SEPTIN7: variants seen among roughly 807,000 people sequenced by gnomAD.
The protein encoded by SEPTIN7 is septin-7.
SEPTIN7 carries 10 observed loss-of-function variants against 63.3 expected under a neutral mutation model. That is an observed-to-expected ratio of 0.16 (90% CI 0.10 to 0.27). The LOEUF (loss-of-function observed/expected upper bound fraction) is 0.27, where lower values mean the gene tolerates loss of function less well. Among genes scored for constraint, SEPTIN7 ranks in the 10% least tolerant of loss-of-function variants. The pLI is 1.00. For missense variants in SEPTIN7, 310 were observed against 521.0 expected, an observed-to-expected ratio of 0.59 and a Z score of 3.94; for synonymous variants, 131 against 165.3, an observed-to-expected ratio of 0.79 and a Z score of 1.59.
At chr7:35,821,700 T>A (rs1006836049) in intron 1 of SEPTIN7, among the ~76,000 whole-genome samples, 1 of 152,214 alleles carries the variant, frequency 6.6e-6, no homozygotes, top group African/African-American at 2.4e-5. Context: ...TGGTTTAAGT[T>A]TATATTCCAA....
At chr7:35,878,175 A>G (rs1330481122) in intron 6 of SEPTIN7, among the ~76,000 whole-genome samples, 1 of 152,056 alleles carries the variant, frequency 6.6e-6, no homozygotes, top group African/African-American at 2.4e-5. Context: ...TTGTCAGCAC[A>G]TAGAAATATG....
At chr7:35,870,281 C>T (rs1786066065) in intron 4 of SEPTIN7, among the ~76,000 whole-genome samples, 1 of 152,048 alleles carries the variant, frequency 6.6e-6, no homozygotes. Flanking sequence ...AGTTGTTGAA[C>T]TGATTTTTTT....
At chr7:35,852,144 C>G (rs1243001052) in intron 3 of SEPTIN7, among the ~76,000 whole-genome samples, 1 of 152,176 alleles carries the variant, frequency 6.6e-6, no homozygotes, top group African/African-American at 2.4e-5. Context: ...CAGGTGTCCA[C>G]TGTGCCAAGG....
chr7:35,859,006 T>C (rs1785362324), intron 3 of SEPTIN7, among the ~76,000 whole-genome samples: 1 of 152,190 alleles, frequency 6.6e-6, no homozygotes, highest in Non-Finnish European at 1.5e-5. Context: ...TCTCTTTTAT[T>C]TATCTCCGCT....
intron 11 of SEPTIN7, 34 bp downstream of exon 11, chr7:35,890,827 A>C (rs10244144): frequency 0.32 from 457,095 of 1,428,504 alleles, 74,659 homozygotes; most frequent in East Asian, 0.42. Flanking sequence ...AAAAGGTATT[A>C]TTTCTGTAGT....
chr7:35,889,714 T>C (rs1415324367), intron 10 of SEPTIN7, among the ~76,000 whole-genome samples: 1 of 152,114 alleles, frequency 6.6e-6, no homozygotes, highest in Non-Finnish European at 1.5e-5. Flanking sequence ...CAACTGATTT[T>C]TGTATTTTTA....
chr7:35,842,835 C>A (rs540672728), intron 3 of SEPTIN7, among the ~76,000 whole-genome samples: 1 of 152,226 alleles, frequency 6.6e-6, no homozygotes, highest in East Asian at 1.9e-4. Flanking sequence ...TTTAGTATAT[C>A]TCTCTTCCTC....
chr7:35,890,256 A>C (rs1787551848), intron 10 of SEPTIN7, among the ~76,000 whole-genome samples: 1 of 152,190 alleles, frequency 6.6e-6, no homozygotes, highest in Admixed American at 6.5e-5. Flanking sequence ...ATTATGTATT[A>C]ATAAAAACTC....
intron 1 of SEPTIN7, among the ~76,000 whole-genome samples, chr7:35,821,061 G>C (rs1789379670): frequency 7.4e-6 from 1 of 134,550 alleles, no homozygotes; most frequent in African/African-American, 2.8e-5. Context: ...TTCCATGATT[G>C]TTCTGTTTTT....
At chr7:35,811,015 C>T (rs1788672632) in intron 1 of SEPTIN7, among the ~76,000 whole-genome samples, 1 of 152,006 alleles carries the variant, frequency 6.6e-6, no homozygotes, top group Admixed American at 6.5e-5. Flanking sequence ...GCAATCTGCC[C>T]ACCTTGGCCT....
intron 1 of SEPTIN7, among the ~76,000 whole-genome samples, chr7:35,818,616 G>GGTGT (rs1044715517): frequency 2.0e-5 from 3 of 151,724 alleles, no homozygotes; most frequent in Non-Finnish European, 3.0e-5. Flanking sequence ...GCCTTTTTGG[G>GGTGT]GTGTGTGTGT....
At position 35,856,625 on chromosome 7, in the gene SEPTIN7, A is replaced by G. The variant is rs148102596; in HGVS notation, c.170-6927A>G. 3.3e-4 allele frequency among the ~76,000 whole-genome samples: 50 copies of G among 152,272 alleles called. 1 individual carries two copies. The East Asian group carries it at 6.5e-3, about 20-fold the overall frequency. On this transcript the variant is annotated intron_variant, in intron 3 of 13. Transcript: ENST00000350320. ...CCAGAAAAAGCAGACTGAGTTCTCA[A>G]CTACTTTTTGGTACCCATTTTTTCT... is the stretch of plus-strand genomic sequence containing the variant.
intron 1 of SEPTIN7, among the ~76,000 whole-genome samples, chr7:35,829,017 C>T (rs973527496): frequency 6.6e-6 from 1 of 152,058 alleles, no homozygotes; most frequent in Admixed American, 6.6e-5. Context: ...CCATATACTT[C>T]CTACTTTGGC....
chr7:35,845,660 G>GT (rs1446518234), intron 3 of SEPTIN7, among the ~76,000 whole-genome samples: 5 of 152,148 alleles, frequency 3.3e-5, no homozygotes, highest in African/African-American at 9.7e-5. Flanking sequence ...TCGTGCTCAA[G>GT]TTTTTTATGT....
the SEPTIN7 span, among the ~76,000 whole-genome samples, chr7:35,915,710 C>T: frequency 1.3e-5 from 2 of 152,210 alleles, no homozygotes; most frequent in African/African-American, 4.8e-5. Context: ...TCCTCTGTCA[C>T]TGCAGGCCAG....
chr7:35,902,165 C>G (rs1392010106), intron 12 of SEPTIN7: 1 of 150,468 alleles, frequency 6.6e-6, no homozygotes, highest in African/African-American at 2.4e-5. Context: ...TTGAATAGTC[C>G]TTGGGTATTT....
chr7:35,903,458 A>C (rs1788438987), intron 13 of SEPTIN7, among the ~76,000 whole-genome samples: 1 of 152,140 alleles, frequency 6.6e-6, no homozygotes, highest in Non-Finnish European at 1.5e-5. Flanking sequence ...TAGCAACTTC[A>C]TAACATTCTC....
At position 35,801,238 on chromosome 7, in the gene SEPTIN7, C is replaced by G; in HGVS notation, c.29C>G (p.Ala10Gly). ...TCGGTCAGTGCGAGATCCGCTGCTGCTGAGGAGAGGAGCGTCAACAGCAGC... is the reference window on the plus strand; with the variant it reads ...TCGGTCAGTGCGAGATCCGCTGCTGGTGAGGAGAGGAGCGTCAACAGCAGC... MSVSARSAA[A>G]EERSVNSSTM... Residue 10 changes from alanine to glycine, a missense_variant, in exon 1 of 14, where the codon GCT becomes GGT. Physicochemically the swap from Ala to Gly is moderately conservative, Grantham distance 60. Around this residue, in one of 2 missense-constraint regions of SEPTIN7, gnomAD observed 55 missense variants for 30.5 expected, o/e 1.80. Transcript: ENST00000350320. 6.5e-7 allele frequency: 1 copy of G among 1,535,778 alleles called. No homozygotes were observed. Among genetic ancestry groups the G allele is most frequent in the Non-Finnish European group, 8.8e-7 (1 of 1,142,392 alleles).
At chr7:35,888,899 T>C (rs1407710441) in intron 10 of SEPTIN7, 3 of 314,480 alleles carry the variant, frequency 9.5e-6, no homozygotes, top group African/African-American at 2.2e-5. Context: ...GTATTTGTTA[T>C]TTTTCTCCAC....
Sources: allele counts gnomAD v4.1 joint callset (sites outside exome capture counted in the v4.1 genomes callset), GRCh38; gene constraint gnomAD v4.1.1; regional missense constraint gnomAD v4.1.1; transcripts MANE v1.5; gene names NCBI Gene and HGNC (gene_info 2026-07-23, HGNC 2026-07-21).